The following UMAD1 variants were observed in gnomAD, a reference collection of about 807,000 sequenced individuals.
UMAD1 encodes the protein UBAP1-MVB12-associated (UMA)-domain containing protein 1.
Under a neutral mutation model 6.1 loss-of-function variants are expected in UMAD1, and 8 were observed. That is an observed-to-expected ratio of 1.30 (90% CI 0.76 to 2.35). The LOEUF (loss-of-function observed/expected upper bound fraction) is 2.35, where lower values mean the gene tolerates loss of function less well. UMAD1 is among the 30% of genes most tolerant of loss of function. The pLI, the probability that UMAD1 is intolerant of heterozygous loss-of-function variation, is 0.00. For missense variants in UMAD1, 130 were observed against 78.4 expected (o/e 1.66, Z -2.49); for synonymous variants, 56 against 31.4 (o/e 1.78, Z -2.61).
intron 3 of UMAD1, among the ~76,000 whole-genome samples, chr7:7,849,067 T>G (rs1783863775): frequency 6.6e-6 from 1 of 152,168 alleles, no homozygotes. Context: ...ATGGACTTGA[T>G]GGACATGTTC....
intron 2 of UMAD1, among the ~76,000 whole-genome samples, chr7:7,705,319 C>T (rs563145241): frequency 5.3e-5 from 8 of 152,250 alleles, no homozygotes; most frequent in Non-Finnish European, 1.0e-4. Context: ...AAAATAGAAT[C>T]TTAAAAATGT....
chr7:7,775,265 G>C (rs1053414982), intron 2 of UMAD1, among the ~76,000 whole-genome samples: 4 of 152,208 alleles, frequency 2.6e-5, no homozygotes, highest in Admixed American at 2.0e-4. Flanking sequence ...GATATGGTTT[G>C]GCTGTGTCTC....
intron 1 of UMAD1, among the ~76,000 whole-genome samples, chr7:7,650,374 T>C (rs1177047032): frequency 2.6e-5 from 4 of 152,246 alleles, no homozygotes; most frequent in Admixed American, 6.5e-5. Flanking sequence ...ATAGTTTTAT[T>C]ATCTTTCTGT....
chr7:7,781,365 CTCTT>C (rs903276013), intron 2 of UMAD1, among the ~76,000 whole-genome samples: 7 of 151,740 alleles, frequency 4.6e-5, no homozygotes, highest in Non-Finnish European at 7.4e-5. Flanking sequence ...ATTCTTGCTC[CTCTT>C]TCTTTTTTTT....
At chr7:7,722,367 G>A (rs968717355) in intron 2 of UMAD1, among the ~76,000 whole-genome samples, 1 of 152,030 alleles carries the variant, frequency 6.6e-6, no homozygotes, top group African/African-American at 2.4e-5. Flanking sequence ...ACCCAATAAT[G>A]CGAAGGACTC....
At chr7:7,696,946 TG>T (rs1382624514) in intron 2 of UMAD1, among the ~76,000 whole-genome samples, 1 of 152,096 alleles carries the variant, frequency 6.6e-6, no homozygotes, top group East Asian at 1.9e-4. Flanking sequence ...CATTTGACTA[TG>T]TGAAGTGGAA....
At chr7:7,758,824 G>A (rs1229453029) in intron 2 of UMAD1, among the ~76,000 whole-genome samples, 1 of 152,024 alleles carries the variant, frequency 6.6e-6, no homozygotes, top group African/African-American at 2.4e-5. Flanking sequence ...TCCTTTCTCC[G>A]AGTGGTGGGC....
chr7:7,758,237 A>T (rs1781817525), intron 2 of UMAD1, among the ~76,000 whole-genome samples: 1 of 151,496 alleles, frequency 6.6e-6, no homozygotes, highest in Admixed American at 6.6e-5. Context: ...TGTTTTTCTT[A>T]CCTTATTTTG....
chr7:7,749,607 T>C (rs1401760744), intron 2 of UMAD1, among the ~76,000 whole-genome samples: 1 of 152,162 alleles, frequency 6.6e-6, no homozygotes, highest in East Asian at 1.9e-4. Context: ...TGAATTCCCC[T>C]CTTGGCATGC....
chr7:7,694,944 T>C (rs1780271473), intron 2 of UMAD1, among the ~76,000 whole-genome samples: 1 of 152,142 alleles, frequency 6.6e-6, no homozygotes, highest in African/African-American at 2.4e-5. Context: ...CTATTTTTAG[T>C]TTTTTGAGGA....
At chr7:7,778,149 A>C (rs935373621) in intron 2 of UMAD1, among the ~76,000 whole-genome samples, 3 of 152,104 alleles carry the variant, frequency 2.0e-5, no homozygotes, top group Non-Finnish European at 4.4e-5. Context: ...CTTTTTGTAC[A>C]TATGACAAAT....
chr7:7,809,908 T>G (rs897491412), intron 3 of UMAD1, among the ~76,000 whole-genome samples: 4 of 152,094 alleles, frequency 2.6e-5, no homozygotes, highest in Non-Finnish European at 1.5e-5. Context: ...GAAAATATCC[T>G]TGAGATTTGT....
chr7:7,729,226 C>T (rs1489997133), intron 2 of UMAD1, among the ~76,000 whole-genome samples: 1 of 152,060 alleles, frequency 6.6e-6, no homozygotes, highest in African/African-American at 2.4e-5. Context: ...GTGCAGAGAG[C>T]CAGGATGGAG....
chr7:7,684,846 G>A (rs540856701), intron 2 of UMAD1, among the ~76,000 whole-genome samples: 1 of 152,136 alleles, frequency 6.6e-6, no homozygotes, highest in Non-Finnish European at 1.5e-5. Context: ...CAACTATTTG[G>A]GGGTAGTTGA....
intron 3 of UMAD1, among the ~76,000 whole-genome samples, chr7:7,852,271 A>G (rs1783930634): frequency 6.6e-6 from 1 of 152,204 alleles, no homozygotes; most frequent in Admixed American, 6.5e-5. Context: ...AACACAGAAG[A>G]TTTCTGTGAC....
intron 2 of UMAD1, among the ~76,000 whole-genome samples, chr7:7,798,512 A>T (rs1782732584): frequency 6.6e-6 from 1 of 152,224 alleles, no homozygotes; most frequent in South Asian, 2.1e-4. Flanking sequence ...GAAGTATTTG[A>T]TGTCACCATT....
intron 3 of UMAD1, among the ~76,000 whole-genome samples, chr7:7,831,126 C>G (rs948160181): frequency 2.6e-5 from 4 of 152,060 alleles, no homozygotes; most frequent in African/African-American, 9.7e-5. Context: ...TAATTGGATT[C>G]TCCTGACTAT....
At chr7:7,674,915 C>A (rs547904595) in intron 2 of UMAD1, among the ~76,000 whole-genome samples, 4 of 152,118 alleles carry the variant, frequency 2.6e-5, no homozygotes, top group Admixed American at 1.3e-4. Context: ...CTCTTGTTTT[C>A]CACTCTGTTA....
rs189667931 is a variant in UMAD1, at chr7:7,809,233, C to T, written c.156+7490C>T. The stretch of plus-strand genomic sequence containing the variant: ...CTTTGTTTATTCAGGTAATTTCAAA[C>T]ACACTTCTCAATTTAGTACACAGCG... On this transcript the variant is annotated intron_variant, in intron 3 of 3. Transcript: ENST00000682710. 9.0e-3 allele frequency among the ~76,000 whole-genome samples: 1,372 copies of T among 151,960 alleles called. 21 individuals are homozygous for T. The highest frequency in any genetic ancestry group is 0.031 in the African/African-American group (1,287 of 41,504).
Sources: allele counts gnomAD v4.1 joint callset (sites outside exome capture counted in the v4.1 genomes callset), GRCh38; gene constraint gnomAD v4.1.1; transcripts MANE v1.5; gene names NCBI Gene and HGNC (gene_info 2026-07-23, HGNC 2026-07-21).